The following PTPRG variants were observed in gnomAD, a reference collection of about 807,000 sequenced individuals.
The protein encoded by PTPRG is protein tyrosine phosphatase receptor type G, also known as receptor-type tyrosine-protein phosphatase gamma.
PTPRG carries 102 observed loss-of-function variants against 165.3 expected under a neutral mutation model. The observed-to-expected ratio is 0.62, with a 90% CI of 0.53 to 0.73. The LOEUF (loss-of-function observed/expected upper bound fraction) is 0.73, where lower values mean the gene tolerates loss of function less well. Ranked by LOEUF, PTPRG falls within the 30% of genes least tolerant of loss-of-function variation. The pLI is 0.00. For missense variants in PTPRG, 1,866 were observed against 1,861.4 expected (o/e 1.00, Z -0.05); for synonymous variants, 675 against 669.5 (o/e 1.01, Z -0.13).
intron 1 of PTPRG, among the ~76,000 whole-genome samples, chr3:61,571,259 C>T (rs763395899): frequency 2.6e-5 from 4 of 152,072 alleles, no homozygotes; most frequent in Admixed American, 6.6e-5. Flanking sequence ...TAGCAAGGCG[C>T]GGGGAGCGGT....
At chr3:61,990,406 C>T (rs1418785744) in intron 3 of PTPRG, among the ~76,000 whole-genome samples, 3 of 152,346 alleles carry the variant, frequency 2.0e-5, no homozygotes, top group Middle Eastern at 6.8e-3. Flanking sequence ...TGAACTGTCT[C>T]ATCCCTTTGT....
intron 4 of PTPRG, among the ~76,000 whole-genome samples, chr3:62,013,815 T>C (rs1412233289): frequency 6.6e-6 from 1 of 152,108 alleles, no homozygotes; most frequent in Non-Finnish European, 1.5e-5. Flanking sequence ...AGCTTTAACT[T>C]TTTTCCTCTT....
At chr3:62,132,572 T>C in intron 5 of PTPRG, 30 bp from the exon 6 acceptor site, 1 of 1,541,260 alleles carries the variant, frequency 6.5e-7, no homozygotes, top group Non-Finnish European at 9.0e-7. Flanking sequence ...CCAGAATAGA[T>C]TTAACCAATC....
At chr3:62,158,087 C>G (rs1434056195) in intron 7 of PTPRG, among the ~76,000 whole-genome samples, 2 of 152,134 alleles carry the variant, frequency 1.3e-5, no homozygotes, top group Non-Finnish European at 2.9e-5. Flanking sequence ...GAGAACACTT[C>G]ATGGGAAGGC....
chr3:61,712,299 CAG>C (rs1449427959), intron 1 of PTPRG, among the ~76,000 whole-genome samples: 2 of 151,944 alleles, frequency 1.3e-5, no homozygotes, highest in African/African-American at 4.8e-5. Flanking sequence ...AGACATTTAA[CAG>C]ATGCTAATAT....
At chr3:62,080,082 T>TTTTTTA (rs1701515440) in intron 5 of PTPRG, among the ~76,000 whole-genome samples, 1 of 149,682 alleles carries the variant, frequency 6.7e-6, no homozygotes, top group African/African-American at 2.5e-5. Flanking sequence ...TTTTTTTTTT[T>TTTTTTA]GAGATGGAGT....
intron 1 of PTPRG, among the ~76,000 whole-genome samples, chr3:61,689,403 C>T (rs1000854446): frequency 1.3e-5 from 2 of 152,174 alleles, no homozygotes; most frequent in Non-Finnish European, 2.9e-5. Context: ...TTATGATTGT[C>T]TGACTTAAAA....
chr3:61,798,296 A>T (rs1954541550), intron 2 of PTPRG, among the ~76,000 whole-genome samples: 1 of 152,222 alleles, frequency 6.6e-6, no homozygotes, highest in Non-Finnish European at 1.5e-5. Context: ...TCAGCATGTT[A>T]GGATCCCTTC....
intron 1 of PTPRG, among the ~76,000 whole-genome samples, chr3:61,662,895 A>G (rs1476981368): frequency 6.6e-6 from 1 of 152,226 alleles, no homozygotes; most frequent in African/African-American, 2.4e-5. Context: ...GAGCAAGGGA[A>G]TGCAGAACAG....
chr3:62,116,775 A>G (rs1047858881), intron 5 of PTPRG, among the ~76,000 whole-genome samples: 1 of 152,194 alleles, frequency 6.6e-6, no homozygotes, highest in Non-Finnish European at 1.5e-5. Flanking sequence ...AATAAAGATA[A>G]CAGGCAAATC....
intron 2 of PTPRG, among the ~76,000 whole-genome samples, chr3:61,860,156 C>T (rs893887717): frequency 6.6e-6 from 1 of 152,172 alleles, no homozygotes; most frequent in Non-Finnish European, 1.5e-5. Context: ...ATGTACATTT[C>T]AGAGTGAAAA....
At chr3:62,143,822 G>C (rs1704017622) in intron 6 of PTPRG, among the ~76,000 whole-genome samples, 1 of 152,162 alleles carries the variant, frequency 6.6e-6, no homozygotes, top group Non-Finnish European at 1.5e-5. Flanking sequence ...TGGGAGCTGT[G>C]TGACCCCAGT....
chr3:62,030,015 T>G (rs1437119310), intron 4 of PTPRG, among the ~76,000 whole-genome samples: 1 of 152,322 alleles, frequency 6.6e-6, no homozygotes, highest in Admixed American at 6.5e-5. Context: ...GGACAGGGGT[T>G]TGATGAATAA....
chr3:61,900,373 C>A (rs1483236475), intron 2 of PTPRG, among the ~76,000 whole-genome samples: 1 of 152,112 alleles, frequency 6.6e-6, no homozygotes, highest in Non-Finnish European at 1.5e-5. Flanking sequence ...TAATTCTCCC[C>A]CTCCTTCCCA....
In PTPRG at chr3:62,272,860, A is replaced by G. The variant is rs1576206444; in HGVS notation, c.3183-86A>G. The G allele has an allele frequency of 3.0e-6, 4 of 1,350,666 alleles. No homozygotes were observed. The East Asian group carries it at 1.1e-4, about 36-fold the overall frequency. The allele number at this position is 1,350,666 out of a possible 1,614,324, so 83.7% of individuals were successfully genotyped here. The stretch of plus-strand genomic sequence containing the variant: ...TCATCTCAGAAAAATAATAAAATAA[A>G]TGGGGTTTAGATTGGAATTTTTCGA... On this transcript the variant is annotated intron_variant, in intron 21 of 29. Coordinates refer to ENST00000474889, the MANE Select transcript of PTPRG (RefSeq NM_002841.4).
At position 61,619,772 on chromosome 3, in the gene PTPRG, T is replaced by G. The variant is rs548553387; in HGVS notation, c.85+57400T>G. 5.9e-5 allele frequency among the ~76,000 whole-genome samples: 9 copies of G among 152,362 alleles called. No individual in the cohort carries two copies. The South Asian group carries it at 1.9e-3, about 32-fold the overall frequency. The stretch of plus-strand genomic sequence containing the variant: ...GTGGCATAGCAGGTAACTGGTATTG[T>G]GGACAGAGCCAGAAGTTTACAACAG... On this transcript the variant is annotated intron_variant, in intron 1 of 29. Coordinates refer to ENST00000474889, the MANE Select transcript of PTPRG (RefSeq NM_002841.4).
At chr3:62,069,245 G>A (rs1701121473) in intron 4 of PTPRG, among the ~76,000 whole-genome samples, 1 of 152,236 alleles carries the variant, frequency 6.6e-6, no homozygotes, top group South Asian at 2.1e-4. Context: ...CCCTTGAGGT[G>A]TGAGTATTAC....
intron 12 of PTPRG, among the ~76,000 whole-genome samples, chr3:62,209,483 A>C (rs1429225610): frequency 1.3e-5 from 2 of 152,210 alleles, no homozygotes; most frequent in Non-Finnish European, 2.9e-5. Context: ...AGAAATCATG[A>C]ATGCAGTACC....
chr3:62,061,632 CTTTTTTTT>C (rs59972737), intron 4 of PTPRG, among the ~76,000 whole-genome samples: 1 of 142,426 alleles, frequency 7.0e-6, no homozygotes, highest in Non-Finnish European at 1.5e-5. Flanking sequence ...CTTTTCTTTT[CTTTTTTTT>C]TTTTTTTAGA....
Sources: gnomAD v4.1 joint callset for allele counts (sites outside exome capture counted in the v4.1 genomes callset) on GRCh38, gnomAD v4.1.1 for gene constraint, MANE v1.5 for transcripts, NCBI Gene and HGNC (gene_info 2026-07-23, HGNC 2026-07-21) for gene names.